The following TNS1 variants were observed in gnomAD, a reference collection of about 807,000 sequenced individuals.
TNS1 encodes tensin 1, also known as tensin-1.
TNS1 carries 62 observed loss-of-function variants against 168.6 expected under a neutral mutation model. The observed-to-expected ratio is 0.37, with a 90% confidence interval of 0.30 to 0.45. The LOEUF (loss-of-function observed/expected upper bound fraction) is 0.45. Ranked by LOEUF, TNS1 falls within the 20% of genes least tolerant of loss-of-function variation. TNS1 has a pLI of 1.00. For synonymous variants in TNS1, 934 were observed against 933.2 expected, an observed-to-expected ratio of 1.00 and a Z score of -0.02; for missense variants, 2,240 against 2,339.4, an observed-to-expected ratio of 0.96 and a Z score of 0.88.
At chr2:217,864,402 A>G (rs190057783) in intron 18 of TNS1, among the ~76,000 whole-genome samples, 1 of 152,328 alleles carries the variant, frequency 6.6e-6, no homozygotes, top group East Asian at 1.9e-4. Context: ...GGATATTGTT[A>G]TGCCATCTTC....
chr2:217,805,207 T>C (rs1938275820), intron 32 of TNS1, among the ~76,000 whole-genome samples: 1 of 143,254 alleles, frequency 7.0e-6, no homozygotes, highest in Non-Finnish European at 1.5e-5. Flanking sequence ...TGACCCAGCA[T>C]TCTCTTCGCA....
At chr2:217,863,993 T>G (rs1949031554) in intron 18 of TNS1, among the ~76,000 whole-genome samples, 1 of 152,186 alleles carries the variant, frequency 6.6e-6, no homozygotes, top group Non-Finnish European at 1.5e-5. Flanking sequence ...CAGGCACCCC[T>G]GGCAGGGCCT....
At chr2:217,887,849 C>G (rs1271017877) in intron 12 of TNS1, among the ~76,000 whole-genome samples, 1 of 152,208 alleles carries the variant, frequency 6.6e-6, no homozygotes, top group African/African-American at 2.4e-5. Context: ...AGTCCTTCTG[C>G]GTCGATTGGT....
chr2:217,826,982 A>T (rs892716460), intron 22 of TNS1, among the ~76,000 whole-genome samples: 1 of 152,162 alleles, frequency 6.6e-6, no homozygotes, highest in Non-Finnish European at 1.5e-5. Flanking sequence ...GAAAGAAGGG[A>T]ATATGGAAAC....
At chr2:217,874,561 A>C (rs1464893265) in intron 18 of TNS1, among the ~76,000 whole-genome samples, 1 of 152,062 alleles carries the variant, frequency 6.6e-6, no homozygotes, top group Non-Finnish European at 1.5e-5. Context: ...ATGTCTCCTG[A>C]CTCCCAAGAG....
At chr2:217,828,155 C>A (rs1021010308) in intron 22 of TNS1, among the ~76,000 whole-genome samples, 50 of 152,206 alleles carry the variant, frequency 3.3e-4, no homozygotes, top group African/African-American at 1.2e-3. Flanking sequence ...AAGCATGAGG[C>A]TGCGGGGGAG....
At chr2:217,918,684 G>T (rs946270921) in intron 4 of TNS1, among the ~76,000 whole-genome samples, 1 of 152,172 alleles carries the variant, frequency 6.6e-6, no homozygotes. Flanking sequence ...AGCAGCCAAG[G>T]ACATTCTGTT....
At chr2:217,984,564 T>A (rs1449718991) in intron 2 of TNS1, among the ~76,000 whole-genome samples, 2 of 152,090 alleles carry the variant, frequency 1.3e-5, no homozygotes, top group Admixed American at 6.6e-5. Context: ...CATAGCTCAC[T>A]GCAGCCTCGA....
chr2:217,817,237 C>T (rs1252701176), intron 24 of TNS1, among the ~76,000 whole-genome samples: 2 of 152,080 alleles, frequency 1.3e-5, no homozygotes, highest in Non-Finnish European at 2.9e-5. Flanking sequence ...CTTGGCTCTG[C>T]CATTTCTTGA....
rs1041583492 is a variant in TNS1, at chr2:217,848,966, G to T, written c.1551C>A (p.Thr517=). 1.2e-6 allele frequency: 2 copies of T among 1,614,132 alleles called. No individual in the cohort carries two copies. Among genetic ancestry groups the T allele is most frequent in the South Asian group, 1.1e-5 (1 of 91,068 alleles). The change falls in exon 19 of 33, where the codon ACC becomes ACA. Residue 517 remains threonine (T), a synonymous_variant. Transcript: ENST00000682258. ...VNATRPTLSA[T]PNHVEHTLSV... is the part of the protein sequence containing the mutation. The stretch of plus-strand genomic sequence containing the variant: ...AAAGCGTGTGTTCCACGTGGTTGGG[G>T]GTGGCCGACAGTGTAGGACGTGTGG...
intron 28 of TNS1, among the ~76,000 whole-genome samples, chr2:217,810,525 T>C (rs570901835): frequency 6.6e-6 from 1 of 152,184 alleles, no homozygotes; most frequent in East Asian, 1.9e-4. Context: ...AGCTCTGGAG[T>C]CCAGCAGAAC....
chr2:218,031,444 T>G (rs1958898948), intron 1 of TNS1, among the ~76,000 whole-genome samples: 1 of 150,554 alleles, frequency 6.6e-6, no homozygotes, highest in East Asian at 1.9e-4. Flanking sequence ...TGTGCATGTG[T>G]GTATGAGCAT....
In TNS1 at chr2:217,810,247, C is replaced by T. The variant is rs769341033; in HGVS notation, c.5104+1G>A. 1 of 1,613,964 alleles carries T rather than the reference C, an allele frequency of 6.2e-7. No individual in the cohort carries two copies. The highest frequency in any genetic ancestry group is 8.5e-7 in the Non-Finnish European group (1 of 1,180,004). Reference sequence around the variant, plus strand: ...GGGTACAGTTTCAGGTGACCACTCACCTGCCCCTTGTTTCAGCAGGTCTGC... The same window carrying T: ...GGGTACAGTTTCAGGTGACCACTCATCTGCCCCTTGTTTCAGCAGGTCTGC... On this transcript the variant is annotated splice_donor_variant, in intron 29 of 32. Transcript: ENST00000682258. LOFTEE classifies it high-confidence loss of function.
chr2:217,847,716 A>C lies in TNS1; in HGVS notation c.2801T>G (p.Phe934Cys). Residue 934 changes from phenylalanine (F) to cysteine (C), a missense_variant, in exon 19 of 33, where the codon TTC becomes TGC. Around this residue, in one of 2 missense-constraint regions of TNS1, gnomAD observed 2,131 missense variants for 2,171.2 expected, o/e 0.98. Coordinates refer to ENST00000682258, the MANE Select transcript of TNS1 (RefSeq NM_001387777.1). ...GGAAGAGGCTGGGCTCTTTGAATGG[A>C]AATCCTGGTTAGGCCCAGCCAAACA... ...QPCLAGPNQD[F>C]HSKSPASSSL... 6.2e-7 allele frequency: 1 copy of C among 1,605,908 alleles called. No homozygotes were observed. The highest frequency in any genetic ancestry group is 1.1e-5 in the South Asian group (1 of 90,886).
chr2:217,963,654 G>A (rs1575142094), intron 3 of TNS1, among the ~76,000 whole-genome samples: 1 of 150,860 alleles, frequency 6.6e-6, no homozygotes, highest in Non-Finnish European at 1.5e-5. Flanking sequence ...TATTTAAGTT[G>A]ATGGATATCC....
At chr2:217,908,988 C>T (rs1007870254) in intron 4 of TNS1, among the ~76,000 whole-genome samples, 2 of 152,236 alleles carry the variant, frequency 1.3e-5, no homozygotes, top group Admixed American at 1.3e-4. Context: ...CCCTAACCCA[C>T]TCAGGGTAAG....
At chr2:217,830,856 G>A (rs1173595035) in intron 22 of TNS1, among the ~76,000 whole-genome samples, 1 of 152,226 alleles carries the variant, frequency 6.6e-6, no homozygotes, top group Non-Finnish European at 1.5e-5. Flanking sequence ...GGGGATCGAG[G>A]AAACGGCAGG....
chr2:217,847,805 G>A lies in TNS1; in HGVS notation c.2712C>T (p.Ala904=). The change falls in exon 19 of 33, where the codon GCC becomes GCT. Residue 904 remains alanine (A), a synonymous_variant. Transcript: ENST00000682258. Reference sequence around the variant, plus strand: ...GGACAGACTCCAGAGAGGCCCGTGGGGCTGGCTCAGGGGTTCCCAACGAAT... The same window carrying A: ...GGACAGACTCCAGAGAGGCCCGTGGAGCTGGCTCAGGGGTTCCCAACGAAT... ...SGHSLGTPEP[A]PRASLESVPP... 1 of 1,601,714 alleles carries A rather than the reference G, an allele frequency of 6.2e-7. No individual in the cohort carries two copies. Among genetic ancestry groups the A allele is most frequent in the Non-Finnish European group, 8.5e-7 (1 of 1,169,884 alleles).
chr2:217,921,068 C>T (rs949430646), intron 3 of TNS1, among the ~76,000 whole-genome samples: 1 of 152,018 alleles, frequency 6.6e-6, no homozygotes, highest in African/African-American at 2.4e-5. Context: ...AAGGCTCCAT[C>T]GCTCCCTTCC....
Sources: allele counts gnomAD v4.1 joint callset (sites outside exome capture counted in the v4.1 genomes callset), GRCh38; gene constraint gnomAD v4.1.1; regional missense constraint gnomAD v4.1.1; transcripts MANE v1.5; gene names NCBI Gene and HGNC (gene_info 2026-07-23, HGNC 2026-07-21).